KMT2E: variants seen among roughly 807,000 people sequenced by gnomAD.
The protein encoded by KMT2E is histone reader KMT2E.
Under a neutral mutation model 184.6 loss-of-function variants are expected in KMT2E, and 30 were observed. The ratio of observed to expected loss-of-function variants is 0.16; its 90% confidence interval spans 0.12 to 0.22. The LOEUF is 0.22. Among genes scored for constraint, KMT2E ranks in the 10% least tolerant of loss-of-function variants. The probability of loss-of-function intolerance (pLI) is 1.00; values close to 1 mark genes in which losing one functional copy is unlikely to be tolerated. For missense variants in KMT2E, 2,023 were observed against 2,237.4 expected (o/e 0.90, Z 1.93); for synonymous variants, 815 against 776.5 (o/e 1.05, Z -0.82).
At chr7:105,072,222 G>A (rs1797351885) in intron 6 of KMT2E, among the ~76,000 whole-genome samples, 1 of 152,148 alleles carries the variant, frequency 6.6e-6, no homozygotes, top group African/African-American at 2.4e-5. Context: ...GGAGGCTTAG[G>A]CGGCAGAATG....
chr7:105,032,809 T>C (rs1314561567), intron 1 of KMT2E, among the ~76,000 whole-genome samples: 1 of 152,232 alleles, frequency 6.6e-6, no homozygotes, highest in Non-Finnish European at 1.5e-5. Flanking sequence ...CATCATAGGA[T>C]TTTGTTGTTG....
intron 23 of KMT2E, among the ~76,000 whole-genome samples, chr7:105,109,783 G>C (rs1799105110): frequency 6.6e-6 from 1 of 151,740 alleles, no homozygotes; most frequent in East Asian, 1.9e-4. Flanking sequence ...CAAAGGAATT[G>C]AGTCCTTCAA....
At chr7:105,052,744 TA>T (rs1255325299) in intron 3 of KMT2E, among the ~76,000 whole-genome samples, 4 of 151,392 alleles carry the variant, frequency 2.6e-5, no homozygotes, top group African/African-American at 2.4e-5. Context: ...TTTATTTTTT[TA>T]TTTTTTTTAT....
intron 11 of KMT2E, among the ~76,000 whole-genome samples, chr7:105,078,185 T>C (rs574955927): frequency 2.0e-5 from 3 of 152,354 alleles, no homozygotes; most frequent in South Asian, 4.1e-4. Flanking sequence ...ACAGATACTT[T>C]TAAATGCACC....
Position 105,090,217 on chromosome 7 carries a change from C to A in KMT2E, c.1567C>A (p.Pro523Thr), listed in dbSNP as rs752886091. The A allele has an allele frequency of 6.2e-5, 99 of 1,606,258 alleles. No homozygotes were observed. The highest frequency in any genetic ancestry group is 6.5e-5 in the Non-Finnish European group (77 of 1,178,374). Reference protein sequence around the residue: ...CEGTTNKMKSPETKQRKLSPL... With the variant: ...CEGTTNKMKSTETKQRKLSPL... ...AGGAACGACCAACAAAATGAAGAGC[C>A]CAGAAACTAAACAAAGAAAGCTTTC... is the stretch of plus-strand genomic sequence containing the variant. The change falls in exon 14 of 27, where the codon CCA becomes ACA. Residue 523 changes from proline to threonine, a missense_variant. This residue lies in a region of KMT2E where 514 missense variants were observed against 621.8 expected (regional missense o/e 0.83). Coordinates refer to ENST00000311117, the MANE Select transcript of KMT2E (RefSeq NM_182931.3).
chr7:105,043,270 T>G (rs1224507793), intron 3 of KMT2E, among the ~76,000 whole-genome samples: 6 of 149,664 alleles, frequency 4.0e-5, no homozygotes, highest in African/African-American at 1.5e-4. Context: ...GGAGTCTTGC[T>G]CTGTCGCCCA....
intron 3 of KMT2E, among the ~76,000 whole-genome samples, chr7:105,055,321 T>C (rs1434408889): frequency 6.6e-6 from 1 of 151,328 alleles, no homozygotes; most frequent in African/African-American, 2.4e-5. Context: ...CCCAAAGTGC[T>C]GGGATTATAG....
At chr7:105,085,512 C>T (rs1315097870) in intron 13 of KMT2E, among the ~76,000 whole-genome samples, 1 of 152,256 alleles carries the variant, frequency 6.6e-6, no homozygotes, top group East Asian at 1.9e-4. Context: ...TGTGCCACTA[C>T]ACTCCAGCCT....
chr7:105,027,074 C>CTTTT (rs34930855), intron 1 of KMT2E, among the ~76,000 whole-genome samples: 3 of 81,938 alleles, frequency 3.7e-5, no homozygotes, highest in Admixed American at 3.0e-4. Flanking sequence ...GCCCCGCCCT[C>CTTTT]TTTTTTTTTT....
chr7:105,035,720 C>T (rs931552900), intron 1 of KMT2E, among the ~76,000 whole-genome samples: 6 of 151,962 alleles, frequency 3.9e-5, no homozygotes, highest in Non-Finnish European at 7.4e-5. Context: ...CCACCGTGCC[C>T]GGCTAATTTT....
chr7:105,094,800 A>C (rs1798337724), intron 15 of KMT2E, among the ~76,000 whole-genome samples: 2 of 152,208 alleles, frequency 1.3e-5, no homozygotes, highest in Admixed American at 6.5e-5. Context: ...CTGTCATTAC[A>C]GTATATGGTT....
At chr7:105,067,086 A>G (rs977347415) in intron 6 of KMT2E, among the ~76,000 whole-genome samples, 2 of 140,894 alleles carry the variant, frequency 1.4e-5, no homozygotes, top group African/African-American at 2.6e-5. Flanking sequence ...AAAAAAAAAG[A>G]AAAAGAAAAA....
At chr7:105,036,798 ATT>A (rs1349482771) in intron 1 of KMT2E, among the ~76,000 whole-genome samples, 1 of 152,162 alleles carries the variant, frequency 6.6e-6, no homozygotes, top group Non-Finnish European at 1.5e-5. Flanking sequence ...TCACATTTAT[ATT>A]TTATAGTTTT....
chr7:105,077,468 T>C (rs1331540503), intron 11 of KMT2E, 35 bp downstream of exon 11: 9 of 1,541,648 alleles, frequency 5.8e-6, no homozygotes, highest in Non-Finnish European at 8.0e-6. Context: ...TCATTTTCTG[T>C]AGGTAAATAT....
At chr7:105,054,650 G>A (rs564647423) in intron 3 of KMT2E, among the ~76,000 whole-genome samples, 37 of 152,212 alleles carry the variant, frequency 2.4e-4, no homozygotes, top group Middle Eastern at 3.4e-3. Context: ...GAGTAGCTGG[G>A]ATTATAGGCA....
intron 5 of KMT2E, among the ~76,000 whole-genome samples, chr7:105,065,155 T>C (rs978071037): frequency 6.6e-6 from 1 of 152,218 alleles, no homozygotes; most frequent in Non-Finnish European, 1.5e-5. Context: ...TGTAGTCTCC[T>C]GGAAGGCTCT....
At chr7:105,092,408 A>G (rs1798243723) in intron 15 of KMT2E, among the ~76,000 whole-genome samples, 1 of 152,176 alleles carries the variant, frequency 6.6e-6, no homozygotes, top group Non-Finnish European at 1.5e-5. Context: ...TCTCCAAAAA[A>G]AAAAGTTTGG....
At chr7:105,081,607 G>T (rs913588992) in intron 12 of KMT2E, 81 bp from the exon 13 acceptor site, 14 of 748,350 alleles carry the variant, frequency 1.9e-5, no homozygotes, top group Non-Finnish European at 3.0e-5. Flanking sequence ...AATTTGAAAA[G>T]AATAATTTTC....
intron 19 of KMT2E, 102 bp from the exon 20 acceptor site, chr7:105,106,420 A>C (rs1798900355): frequency 1.8e-6 from 2 of 1,126,650 alleles, no homozygotes; most frequent in South Asian, 1.5e-5. Context: ...TAAAAGTCAT[A>C]ACTGCCATTG....
Sources: allele counts gnomAD v4.1 joint callset (sites outside exome capture counted in the v4.1 genomes callset), GRCh38; gene constraint gnomAD v4.1.1; regional missense constraint gnomAD v4.1.1; transcripts MANE v1.5; gene names NCBI Gene and HGNC (gene_info 2026-07-23, HGNC 2026-07-21).